ARHGEF33: variants seen among roughly 807,000 people sequenced by gnomAD.
The protein encoded by ARHGEF33 is DH and coiled-coil domain-containing protein ENSP00000381780.
A neutral mutation model predicts 101.9 loss-of-function variants in ARHGEF33; 72 were observed. The ratio of observed to expected loss-of-function variants is 0.71; its 90% CI spans 0.58 to 0.86. ARHGEF33 has a LOEUF of 0.86. Ranked by LOEUF, ARHGEF33 falls within the 40% of genes least tolerant of loss-of-function variation. The probability of loss-of-function intolerance (pLI) is 0.00; values close to 1 mark genes in which losing one functional copy is unlikely to be tolerated. For missense variants in ARHGEF33, 1,169 were observed against 1,111.3 expected (o/e 1.05, Z -0.74); for synonymous variants, 499 against 442.5 (o/e 1.13, Z -1.60).
chr2:38,891,514 A>G (rs1665998085), intron 1 of ARHGEF33, among the ~76,000 whole-genome samples: 2 of 152,144 alleles, frequency 1.3e-5, no homozygotes, highest in South Asian at 4.1e-4. Flanking sequence ...AAAAAGTAAA[A>G]TCACACAAAA....
At chr2:38,949,034 G>A (rs979789887) in intron 10 of ARHGEF33, among the ~76,000 whole-genome samples, 1 of 152,142 alleles carries the variant, frequency 6.6e-6, no homozygotes, top group South Asian at 2.1e-4. Flanking sequence ...AGATGGGAGT[G>A]GAAGTCTTCC....
At position 38,973,774 on chromosome 2, in the gene ARHGEF33, C is replaced by G. The variant is rs1405184312; in HGVS notation, c.2544C>G (p.Pro848=). ...AGAATCCCTCAATGGATCCTTCACC[C>G]ACCAAACAAGATTTCTTCAGAAACC... ...TNENPSMDPS[P]TKQDFFRNRL... is the part of the protein sequence containing the mutation. The change falls in exon 18 of 18, where the codon CCC becomes CCG. Residue 848 remains proline (P), a synonymous_variant. Coordinates refer to ENST00000409978, the MANE Select transcript of ARHGEF33 (RefSeq NM_001145451.5). 6.5e-7 allele frequency: 1 copy of G among 1,549,134 alleles called. No homozygotes were observed. The highest frequency in any genetic ancestry group is 1.2e-5 in the South Asian group (1 of 83,924).
At chr2:38,957,761 G>A (rs556651544) in intron 14 of ARHGEF33, 7 of 380,856 alleles carry the variant, frequency 1.8e-5, no homozygotes, top group South Asian at 1.8e-4. Context: ...AAAAGATGCT[G>A]TCTCCCAAGC....
intron 2 of ARHGEF33, among the ~76,000 whole-genome samples, chr2:38,898,141 T>C (rs189091503): frequency 1.3e-5 from 2 of 152,286 alleles, no homozygotes; most frequent in East Asian, 3.9e-4. Context: ...TGGAATAAGG[T>C]ATAAAAAGTA....
intron 17 of ARHGEF33, chr2:38,971,719 C>G: frequency 1.5e-6 from 1 of 671,328 alleles, no homozygotes; most frequent in Non-Finnish European, 2.8e-6. Flanking sequence ...AGCAATTTAG[C>G]TGTTAGTTTA....
At chr2:38,904,488 C>T (rs1666342794) in intron 2 of ARHGEF33, among the ~76,000 whole-genome samples, 1 of 152,008 alleles carries the variant, frequency 6.6e-6, no homozygotes, top group Non-Finnish European at 1.5e-5. Flanking sequence ...GGCAGATCAC[C>T]TGAGGTCAGG....
chr2:38,945,354 C>G (rs1667418304), intron 10 of ARHGEF33, among the ~76,000 whole-genome samples: 2 of 152,204 alleles, frequency 1.3e-5, no homozygotes, highest in Admixed American at 1.3e-4. Context: ...CCCTGACAAA[C>G]CCACGAGTGG....
chr2:38,935,707 G>T lies in ARHGEF33; in HGVS notation c.506-68G>T. The T allele has an allele frequency of 2.3e-6, 3 of 1,310,668 alleles. No individual in the cohort carries two copies. The African/African-American group carries it at 4.4e-5, about 19-fold the overall frequency. 81.2% of individuals were successfully genotyped at this position (1,310,668 alleles called of 1,614,324 possible). A position where few individuals can be genotyped will look rare whatever the true frequency, so the allele number is the denominator to read the frequency against. ...TCTCTGAGTCTGCCCCCAGTGCCAG[G>T]CTCGTGGAAGGTGCTTAGTCCATGT... On this transcript the variant is annotated intron_variant, in intron 7 of 17. Coordinates refer to ENST00000409978, the MANE Select transcript of ARHGEF33 (RefSeq NM_001145451.5).
intron 2 of ARHGEF33, among the ~76,000 whole-genome samples, chr2:38,915,594 A>G (rs1666614148): frequency 6.7e-6 from 1 of 149,886 alleles, no homozygotes; most frequent in Admixed American, 6.6e-5. Context: ...CTGGTCTTGA[A>G]CTCCTGGCCT....
At chr2:38,921,252 G>C in intron 3 of ARHGEF33, 122 bp from the exon 4 acceptor site, 1 of 657,624 alleles carries the variant, frequency 1.5e-6, no homozygotes, top group South Asian at 1.8e-5. Context: ...TGGAATCATT[G>C]GTTTCTTGTC....
intron 2 of ARHGEF33, among the ~76,000 whole-genome samples, chr2:38,915,021 T>G (rs189112939): frequency 1.3e-5 from 2 of 152,282 alleles, no homozygotes; most frequent in East Asian, 3.9e-4. Flanking sequence ...GTTTATTTTA[T>G]TTTTTCCATT....
intron 5 of ARHGEF33, among the ~76,000 whole-genome samples, 160 bp downstream of exon 5, chr2:38,929,231 C>A (rs533335301): frequency 6.6e-6 from 1 of 152,098 alleles, no homozygotes; most frequent in Non-Finnish European, 1.5e-5. Context: ...GAGTTCAAGA[C>A]CACCCTGGCC....
chr2:38,919,498 T>G, intron 3 of ARHGEF33, 26 bp downstream of exon 3: 1 of 1,551,380 alleles, frequency 6.4e-7, no homozygotes, highest in Non-Finnish European at 8.7e-7. Flanking sequence ...TGTCTTGCTT[T>G]AGGACTTAGG....
Position 38,952,403 on chromosome 2 carries a change from A to C in ARHGEF33, c.1054-759A>C, listed in dbSNP as rs551074568. On this transcript the variant is annotated intron_variant, in intron 11 of 17. Transcript: ENST00000409978. ...GGGGATAATGCATAGATAAATATGT[A>C]ATTAGTGGAAATATGCAATTACTAG... Among the ~76,000 whole-genome samples, 44 of 152,338 alleles carry C rather than the reference A, an allele frequency of 2.9e-4. 1 individual carries two copies. In the South Asian group the frequency reaches 5.8e-3, roughly 20 times the overall value.
intron 1 of ARHGEF33, among the ~76,000 whole-genome samples, chr2:38,894,540 A>T (rs1558421046): frequency 6.6e-6 from 1 of 152,212 alleles, no homozygotes; most frequent in Non-Finnish European, 1.5e-5. Context: ...TAGTGCTGTT[A>T]GATGAGTTCC....
At chr2:38,938,013 C>T (rs1253360136) in intron 9 of ARHGEF33, among the ~76,000 whole-genome samples, 1 of 152,028 alleles carries the variant, frequency 6.6e-6, no homozygotes, top group East Asian at 1.9e-4. Context: ...TGGCATTTCC[C>T]CCTGGCTATT....
chr2:38,959,833 C>A lies in ARHGEF33; in HGVS notation c.1536-8C>A. The A allele has an allele frequency of 6.5e-7, 1 of 1,540,614 alleles. No individual in the cohort carries two copies. Among genetic ancestry groups the A allele is most frequent in the Non-Finnish European group, 8.8e-7 (1 of 1,140,274 alleles). ...ACAGCTCTTTTGTACTCTGTTTTCCCCCTAAAGACATCTGATGCCCCCAGT... is the reference window on the plus strand; with the variant it reads ...ACAGCTCTTTTGTACTCTGTTTTCCACCTAAAGACATCTGATGCCCCCAGT... On this transcript the variant is annotated splice_polypyrimidine_tract_variant and splice_region_variant and intron_variant, in intron 15 of 17. Transcript: ENST00000409978.
chr2:38,941,018 A>G (rs1667294242), intron 9 of ARHGEF33, among the ~76,000 whole-genome samples: 1 of 152,232 alleles, frequency 6.6e-6, no homozygotes, highest in Non-Finnish European at 1.5e-5. Context: ...GACCAATCTT[A>G]GGTTCTACAG....
chr2:38,944,029 A>C lies in ARHGEF33; in HGVS notation c.919A>C (p.Ser307Arg). ...TGGAAAGAGGAATTCCAAAGAGAGA[A>C]GGTATCCATGCACTCATTGCCTTTG... ...SDGKRNSKER[S>R]LFPGSLRYLV... is the part of the protein sequence containing the mutation. The change falls in exon 10 of 18, where the codon AGC becomes CGC. Residue 307 changes from serine (S) to arginine (R), a missense_variant and splice_region_variant. Physicochemically the swap from Ser to Arg is moderately radical, Grantham distance 110. Coordinates refer to ENST00000409978, the MANE Select transcript of ARHGEF33 (RefSeq NM_001145451.5). 1.3e-6 allele frequency: 2 copies of C among 1,549,936 alleles called. No individual in the cohort carries two copies. The highest frequency in any genetic ancestry group is 1.7e-6 in the Non-Finnish European group (2 of 1,146,228).
Sources: gnomAD v4.1 joint callset for allele counts (sites outside exome capture counted in the v4.1 genomes callset) on GRCh38, gnomAD v4.1.1 for gene constraint, MANE v1.5 for transcripts, NCBI Gene and HGNC (gene_info 2026-07-23, HGNC 2026-07-21) for gene names.